FSTL5: variants seen among roughly 807,000 people sequenced by gnomAD.
The protein encoded by FSTL5 is follistatin-related protein 5.
FSTL5 carries 62 observed loss-of-function variants against 89.1 expected under a neutral mutation model. The ratio of observed to expected loss-of-function variants is 0.70; its 90% CI spans 0.57 to 0.86. The LOEUF (loss-of-function observed/expected upper bound fraction) is 0.86. FSTL5 is among the 40% of genes least tolerant of loss of function. The probability of loss-of-function intolerance (pLI) is 0.00; values close to 1 mark genes in which losing one functional copy is unlikely to be tolerated. For synonymous variants in FSTL5, 383 were observed against 346.2 expected (o/e 1.11, Z -1.18); for missense variants, 1,057 against 1,001.6 (o/e 1.06, Z -0.75).
intron 15 of FSTL5, among the ~76,000 whole-genome samples, chr4:161,429,103 G>A (rs140227624): frequency 6.6e-5 from 10 of 152,158 alleles, no homozygotes; most frequent in Non-Finnish European, 1.3e-4. Context: ...CTGGGGCAGT[G>A]GGGACCACAA....
At chr4:161,418,110 A>G (rs1030246067) in intron 15 of FSTL5, among the ~76,000 whole-genome samples, 3 of 152,110 alleles carry the variant, frequency 2.0e-5, no homozygotes, top group Non-Finnish European at 4.4e-5. Flanking sequence ...CTGCAGCCCA[A>G]TGATGCGTAC....
At chr4:161,805,488 T>C (rs13150513) in intron 4 of FSTL5, among the ~76,000 whole-genome samples, 112,583 of 151,936 alleles carry the variant, frequency 0.74, 41,726 homozygotes, top group Admixed American at 0.76. Flanking sequence ...CATGCAAATG[T>C]TGCAGAGTTT....
chr4:161,757,288 A>G (rs1465103877), intron 6 of FSTL5, among the ~76,000 whole-genome samples: 2 of 152,128 alleles, frequency 1.3e-5, no homozygotes, highest in Non-Finnish European at 2.9e-5. Context: ...TTTTCAACTT[A>G]CTTAATATTT....
chr4:161,438,419 C>A (rs1325549325), intron 15 of FSTL5, among the ~76,000 whole-genome samples: 1 of 151,992 alleles, frequency 6.6e-6, no homozygotes, highest in Non-Finnish European at 1.5e-5. Context: ...ACTAGATGCA[C>A]TCATAGTGAA....
chr4:161,913,071 T>C (rs1478038203), intron 4 of FSTL5, among the ~76,000 whole-genome samples: 1 of 152,076 alleles, frequency 6.6e-6, no homozygotes, highest in African/African-American at 2.4e-5. Flanking sequence ...TTGGGTGCCA[T>C]AAAAAACATT....
chr4:161,986,739 G>A (rs1204498498), intron 3 of FSTL5, among the ~76,000 whole-genome samples: 1 of 152,066 alleles, frequency 6.6e-6, no homozygotes, highest in African/African-American at 2.4e-5. Context: ...AAAAGCAGGA[G>A]GCAGGAGGTG....
rs570386081 is a variant in FSTL5, at chr4:161,476,612, G to A, written c.1608+4408C>T. Among the ~76,000 whole-genome samples the A allele has an allele frequency of 3.9e-5, 6 of 152,054 alleles. No homozygotes were observed. In the South Asian group the frequency reaches 6.2e-4, roughly 16 times the overall value. On this transcript the variant is annotated intron_variant, in intron 13 of 15. Coordinates refer to ENST00000306100, the MANE Select transcript of FSTL5 (RefSeq NM_020116.5). The stretch of plus-strand genomic sequence containing the variant: ...AGGTATTTTTCTGAGCCTTTCTCTG[G>A]GCACCAACTGGTCACTTTCTAATTT...
At chr4:161,801,058 A>G (rs1729775364) in intron 4 of FSTL5, among the ~76,000 whole-genome samples, 2 of 151,744 alleles carry the variant, frequency 1.3e-5, no homozygotes, top group South Asian at 4.1e-4. Context: ...AGAGGTTAGT[A>G]TTAGACGGTG....
chr4:161,766,654 C>CCT (rs1741010142), intron 5 of FSTL5, among the ~76,000 whole-genome samples: 1 of 152,186 alleles, frequency 6.6e-6, no homozygotes, highest in Non-Finnish European at 1.5e-5. Flanking sequence ...CTTCACCATA[C>CCT]TGACTTTAGA....
Position 162,147,927 on chromosome 4 carries a change from C to T in FSTL5, c.-17+15688G>A, listed in dbSNP as rs1009680985. ...AGGTGAGGCAGGAGAATCACCTGAA[C>T]CCAGGAGACAGAGGTTGCAGTGAAC... On this transcript the variant is annotated intron_variant, in intron 1 of 15. Coordinates refer to ENST00000306100, the MANE Select transcript of FSTL5 (RefSeq NM_020116.5). 4.6e-5 allele frequency among the ~76,000 whole-genome samples: 7 copies of T among 152,200 alleles called. No homozygotes were observed. In the East Asian group the frequency reaches 5.8e-4, roughly 13 times the overall value.
intron 15 of FSTL5, among the ~76,000 whole-genome samples, chr4:161,390,354 C>A (rs2110873332): frequency 6.6e-6 from 1 of 152,230 alleles, no homozygotes; most frequent in African/African-American, 2.4e-5. Flanking sequence ...TATGTCACAG[C>A]AATTCAGGAG....
rs1470323022 is a variant in FSTL5 at position 161,384,359 on chromosome 4, A to AT, written c.*1387dup. ...AATAAAAACAAAAATAAGTACAAGG[A>AT]TTTTCAAAACATGTAAGCTATTACT... On this transcript the variant is annotated 3_prime_UTR_variant, in exon 16 of 16. Transcript: ENST00000306100. 6.6e-6 allele frequency: 1 copy of AT among 152,138 alleles called. No individual in the cohort carries two copies. 9.4% of individuals were successfully genotyped at this position (152,138 alleles called of 1,614,324 possible).
intron 7 of FSTL5, among the ~76,000 whole-genome samples, chr4:161,612,692 G>A (rs1014722424): frequency 6.6e-6 from 1 of 152,114 alleles, no homozygotes; most frequent in Admixed American, 6.5e-5. Flanking sequence ...GCTATAAAAC[G>A]TCAGAAGAAA....
chr4:161,518,522 T>C (rs940982796), intron 10 of FSTL5, among the ~76,000 whole-genome samples: 1 of 152,162 alleles, frequency 6.6e-6, no homozygotes, highest in Non-Finnish European at 1.5e-5. Context: ...GGGTTCTGAA[T>C]GTGGATGCAT....
chr4:162,104,318 A>T (rs766505839), intron 2 of FSTL5, among the ~76,000 whole-genome samples: 1 of 152,112 alleles, frequency 6.6e-6, no homozygotes, highest in African/African-American at 2.4e-5. Context: ...AACACTCACC[A>T]CATGGCCCAA....
At chr4:161,784,821 G>A (rs1430657773) in intron 4 of FSTL5, among the ~76,000 whole-genome samples, 1 of 148,262 alleles carries the variant, frequency 6.7e-6, no homozygotes, top group Non-Finnish European at 1.5e-5. Context: ...GTGAACCCAG[G>A]AGGCGGAGCT....
intron 4 of FSTL5, among the ~76,000 whole-genome samples, chr4:161,779,780 TATATATATATATATATATATA>T (rs1741568704): frequency 7.0e-5 from 3 of 42,770 alleles, no homozygotes; most frequent in Non-Finnish European, 1.0e-4. Flanking sequence ...TATATGTATA[TATATATATATATATATATATA>T]TATATATATG....
chr4:161,513,138 A>T (rs116837462), intron 10 of FSTL5, among the ~76,000 whole-genome samples: 2,576 of 152,252 alleles, frequency 0.017, 70 homozygotes, highest in African/African-American at 0.059. Flanking sequence ...GAATATTTTT[A>T]AAAACCAAAT....
At chr4:162,079,572 C>T (rs1280996294) in intron 2 of FSTL5, among the ~76,000 whole-genome samples, 1 of 151,352 alleles carries the variant, frequency 6.6e-6, no homozygotes, top group Non-Finnish European at 1.5e-5. Context: ...CCCTTAAACT[C>T]GCATATGTAA....
Sources: gnomAD v4.1 joint callset for allele counts (sites outside exome capture counted in the v4.1 genomes callset) on GRCh38, gnomAD v4.1.1 for gene constraint, MANE v1.5 for transcripts, NCBI Gene and HGNC (gene_info 2026-07-23, HGNC 2026-07-21) for gene names.